Variants in NOS1AP observed in about 807,000 individuals in gnomAD.
The protein encoded by NOS1AP is nitric oxide synthase 1 adaptor protein, also known as carboxyl-terminal PDZ ligand of neuronal nitric oxide synthase protein.
Under a neutral mutation model 56.2 loss-of-function variants are expected in NOS1AP, and 21 were observed. That is an observed-to-expected ratio of 0.37 (90% confidence interval 0.26 to 0.54). The LOEUF is 0.54. NOS1AP is among the 20% of genes least tolerant of loss of function. NOS1AP has a pLI of 0.84. For synonymous variants in NOS1AP, 270 were observed against 274.6 expected, an observed-to-expected ratio of 0.98 and a Z score of 0.17; for missense variants, 522 against 657.8, an observed-to-expected ratio of 0.79 and a Z score of 2.26.
intron 2 of NOS1AP, among the ~76,000 whole-genome samples, chr1:162,180,174 G>A (rs1651201880): frequency 1.3e-5 from 2 of 152,130 alleles, no homozygotes; most frequent in Non-Finnish European, 2.9e-5. Flanking sequence ...AAATGCACCC[G>A]GTGACCTCCA....
chr1:162,121,984 A>G (rs1648261082), intron 1 of NOS1AP, among the ~76,000 whole-genome samples: 1 of 152,214 alleles, frequency 6.6e-6, no homozygotes, highest in Non-Finnish European at 1.5e-5. Flanking sequence ...TTCACAACCT[A>G]GTATTTAAAA....
intron 3 of NOS1AP, 53 bp from the exon 4 acceptor site, chr1:162,300,580 A>G: frequency 1.4e-6 from 2 of 1,470,866 alleles, no homozygotes; most frequent in Non-Finnish European, 1.9e-6. Flanking sequence ...TGCATAGCTC[A>G]GTGTGTGCCC....
At chr1:162,170,026 C>T (rs1650688236) in intron 2 of NOS1AP, among the ~76,000 whole-genome samples, 2 of 152,220 alleles carry the variant, frequency 1.3e-5, no homozygotes, top group Non-Finnish European at 2.9e-5. Flanking sequence ...CCTGATTCCT[C>T]TCACCTATAG....
chr1:162,230,531 C>A (rs1355432253), intron 2 of NOS1AP, among the ~76,000 whole-genome samples: 1 of 152,152 alleles, frequency 6.6e-6, no homozygotes, highest in Non-Finnish European at 1.5e-5. Context: ...TAAGATATAA[C>A]ATAAAATTTA....
At chr1:162,245,863 A>G (rs930065119) in intron 2 of NOS1AP, among the ~76,000 whole-genome samples, 52 of 152,378 alleles carry the variant, frequency 3.4e-4, no homozygotes, top group Non-Finnish European at 6.9e-4. Context: ...CAGGTGGGCT[A>G]TTTTAATGAT....
rs139919092 is a variant in NOS1AP at position 162,122,413 on chromosome 1, A to G, written c.106-31992A>G. Among the ~76,000 whole-genome samples, 225 of 152,360 alleles carry G rather than the reference A, an allele frequency of 1.5e-3. 1 individual carries two copies. Among genetic ancestry groups the G allele is most frequent in the Non-Finnish European group, 2.8e-3 (191 of 68,042 alleles). On this transcript the variant is annotated intron_variant, in intron 1 of 9. Transcript: ENST00000361897. ...CAACCAAGGTCACATTGTGCTACGC[A>G]TGTAGTAGGTCTTTGGGAGATATAT...
At chr1:162,320,329 C>T (rs1571216302) in intron 4 of NOS1AP, among the ~76,000 whole-genome samples, 1 of 152,316 alleles carries the variant, frequency 6.6e-6, no homozygotes, top group Middle Eastern at 3.4e-3. Context: ...TCACATTTCT[C>T]CACCCTTTGT....
intron 4 of NOS1AP, among the ~76,000 whole-genome samples, chr1:162,324,280 G>A (rs16860185): frequency 0.097 from 14,734 of 152,218 alleles, 1,003 homozygotes; most frequent in South Asian, 0.19. Context: ...TTGGCAGCCT[G>A]TGTAAATAGA....
chr1:162,122,681 T>A (rs1648289925), intron 1 of NOS1AP, among the ~76,000 whole-genome samples: 1 of 152,038 alleles, frequency 6.6e-6, no homozygotes, highest in East Asian at 1.9e-4. Context: ...CTAATTTTTT[T>A]ATTTTTTGTA....
intron 5 of NOS1AP, among the ~76,000 whole-genome samples, chr1:162,336,669 G>T (rs1370807054): frequency 6.6e-6 from 1 of 152,208 alleles, no homozygotes; most frequent in African/African-American, 2.4e-5. Flanking sequence ...TTAGAAACAG[G>T]CTTCCTCCTT....
chr1:162,111,412 G>A (rs1175799741), intron 1 of NOS1AP, among the ~76,000 whole-genome samples: 1 of 152,196 alleles, frequency 6.6e-6, no homozygotes, highest in African/African-American at 2.4e-5. Flanking sequence ...TGGTTGGGGC[G>A]AGGAGTACTG....
At chr1:162,194,015 G>T (rs1035770275) in intron 2 of NOS1AP, among the ~76,000 whole-genome samples, 2 of 152,154 alleles carry the variant, frequency 1.3e-5, no homozygotes, top group African/African-American at 4.8e-5. Context: ...GCTCTGCAGA[G>T]ATCCAGGGCT....
intron 2 of NOS1AP, among the ~76,000 whole-genome samples, chr1:162,170,509 G>A (rs1650717571): frequency 1.3e-5 from 2 of 152,170 alleles, no homozygotes; most frequent in Admixed American, 6.5e-5. Flanking sequence ...ATCAAGAAAA[G>A]TTGTACTGAA....
At chr1:162,351,753 CCT>C (rs1657504779) in intron 6 of NOS1AP, among the ~76,000 whole-genome samples, 1 of 152,102 alleles carries the variant, frequency 6.6e-6, no homozygotes, top group Non-Finnish European at 1.5e-5. Context: ...TACGACCTTA[CCT>C]CTCTCCTTTC....
Position 162,246,193 on chromosome 1 carries a change from A to G in NOS1AP, c.178-41151A>G, listed in dbSNP as rs1653656793. Among the ~76,000 whole-genome samples the G allele has an allele frequency of 2.0e-5, 3 of 152,200 alleles. No individual in the cohort carries two copies. In the South Asian group the frequency reaches 6.2e-4, roughly 32 times the overall value. ...TTGGTTGAGACTTGTTGTAGAATCC[A>G]TTTTTTATTTAATCCTTTTTTTTAA... On this transcript the variant is annotated intron_variant, in intron 2 of 9. Transcript: ENST00000361897.
Position 162,367,181 on chromosome 1 carries a change from C to G in NOS1AP, c.1235C>G (p.Ala412Gly), listed in dbSNP as rs868508232. The G allele has an allele frequency of 1.9e-6, 3 of 1,613,706 alleles. No individual in the cohort carries two copies. Among genetic ancestry groups the G allele is most frequent in the Non-Finnish European group, 2.5e-6 (3 of 1,179,976 alleles). ...CTGGGCGCGGGCTTGGCTGACTTTGCCCACCCTGCGGGCAGCCCCTTAGGT... is the reference window on the plus strand; with the variant it reads ...CTGGGCGCGGGCTTGGCTGACTTTGGCCACCCTGCGGGCAGCCCCTTAGGT... ...PPLGAGLADF[A>G]HPAGSPLGRR... The change falls in exon 10 of 10, where the codon GCC becomes GGC. Residue 412 changes from alanine to glycine, a missense_variant. Coordinates refer to ENST00000361897, the MANE Select transcript of NOS1AP (RefSeq NM_014697.3). This position sits in a 1 kb window ranked among gnomAD's most constrained non-coding sequence, Gnocchi z 6.5.
chr1:162,073,981 C>T lies in NOS1AP; in HGVS notation c.105+3699C>T, dbSNP rs568610453. ...CCAGTGCCATCAACTGACTGTCTCT[C>T]CTCTCTTGGTGAGAAAGAGACTTTT... On this transcript the variant is annotated intron_variant, in intron 1 of 9. Transcript: ENST00000361897. Among the ~76,000 whole-genome samples, 8 of 152,260 alleles carry T rather than the reference C, an allele frequency of 5.3e-5. No homozygotes were observed. In the South Asian group the frequency reaches 1.5e-3, roughly 28 times the overall value.
chr1:162,127,109 A>T (rs1045396558), intron 1 of NOS1AP, among the ~76,000 whole-genome samples: 5 of 151,024 alleles, frequency 3.3e-5, no homozygotes, highest in African/African-American at 1.2e-4. Flanking sequence ...CTTTTGCCAT[A>T]TTTTTTTTTA....
chr1:162,355,258 G>A lies in NOS1AP; in HGVS notation c.667G>A (p.Val223Ile), dbSNP rs750688606. ...AEETDIDAVE[V>I]PLPGNDVLEF... is the part of the protein sequence containing the mutation. ...GGAGACTGACATCGATGCGGTGGAG[G>A]TCCCACTTCCAGGGAATGATGTCCT... is the stretch of plus-strand genomic sequence containing the variant. Residue 223 changes from valine (V) to isoleucine (I), a missense_variant, in exon 7 of 10, where the codon GTC (valine) becomes ATC (isoleucine). Physicochemically the swap from Val to Ile is conservative, Grantham distance 29. Transcript: ENST00000361897. The A allele has an allele frequency of 6.2e-7, 1 of 1,614,170 alleles. No homozygotes were observed. Among genetic ancestry groups the A allele is most frequent in the South Asian group, 1.1e-5 (1 of 91,078 alleles).
Sources: allele counts gnomAD v4.1 joint callset (sites outside exome capture counted in the v4.1 genomes callset), GRCh38; gene constraint gnomAD v4.1.1; non-coding constraint Gnocchi (gnomAD v3.1); transcripts MANE v1.5; gene names NCBI Gene and HGNC (gene_info 2026-07-23, HGNC 2026-07-21).